The following CMSS1 variants were observed in gnomAD, a reference collection of about 807,000 sequenced individuals.
CMSS1 encodes protein CMSS1.
In CMSS1, 33 loss-of-function variants were observed where a neutral mutation model predicts 43.5. The ratio of observed to expected loss-of-function variants is 0.76; its 90% CI spans 0.57 to 1.01. The LOEUF (loss-of-function observed/expected upper bound fraction) is 1.01. CMSS1 is among the 50% of genes least tolerant of loss of function. CMSS1 has a pLI of 0.00. For missense variants in CMSS1, 313 were observed against 326.4 expected, an observed-to-expected ratio of 0.96 and a Z score of 0.32; for synonymous variants, 115 against 117.2, an observed-to-expected ratio of 0.98 and a Z score of 0.12.
chr3:99,869,882 G>A (rs1944703744), intron 1 of CMSS1, among the ~76,000 whole-genome samples: 3 of 152,184 alleles, frequency 2.0e-5, no homozygotes, highest in Admixed American at 2.0e-4. Context: ...TTCTGTCAGG[G>A]CAGCCCATCT....
chr3:100,148,523 G>A (rs192411711), intron 2 of CMSS1, among the ~76,000 whole-genome samples: 1 of 152,142 alleles, frequency 6.6e-6, no homozygotes, highest in African/African-American at 2.4e-5. Flanking sequence ...TTGTGACCCA[G>A]CTCAGGATAA....
chr3:100,071,719 A>G (rs1576019756), intron 1 of CMSS1, among the ~76,000 whole-genome samples: 2 of 152,234 alleles, frequency 1.3e-5, no homozygotes, highest in South Asian at 4.2e-4. Context: ...TTTCTTGGCC[A>G]AGACTGCTCC....
chr3:99,906,690 TC>T (rs993465323), intron 1 of CMSS1, among the ~76,000 whole-genome samples: 4 of 152,178 alleles, frequency 2.6e-5, no homozygotes, highest in African/African-American at 9.7e-5. Context: ...ACTTTAATTG[TC>T]CCCCTCTTCC....
At chr3:99,980,815 A>G (rs964842395) in intron 1 of CMSS1, among the ~76,000 whole-genome samples, 4 of 152,160 alleles carry the variant, frequency 2.6e-5, no homozygotes, top group Admixed American at 6.5e-5. Context: ...AGTGAGTGAC[A>G]TGTTCTAGCT....
intron 1 of CMSS1, among the ~76,000 whole-genome samples, chr3:100,083,039 T>C (rs2065955745): frequency 6.6e-6 from 1 of 152,240 alleles, no homozygotes; most frequent in Non-Finnish European, 1.5e-5. Context: ...TTCTACTGGC[T>C]ATATTTATGA....
At chr3:100,000,874 CT>C (rs1709821901) in intron 1 of CMSS1, among the ~76,000 whole-genome samples, 1 of 152,158 alleles carries the variant, frequency 6.6e-6, no homozygotes, top group Non-Finnish European at 1.5e-5. Context: ...TACTCAGTAA[CT>C]ATGTTGTATA....
At chr3:99,943,667 G>GCACAA (rs1395122350) in intron 1 of CMSS1, among the ~76,000 whole-genome samples, 2 of 151,976 alleles carry the variant, frequency 1.3e-5, no homozygotes, top group Non-Finnish European at 2.9e-5. Flanking sequence ...TCACGCCACT[G>GCACAA]CACTCCAGCC....
intron 1 of CMSS1, among the ~76,000 whole-genome samples, chr3:99,923,385 A>T (rs764348267): frequency 6.6e-6 from 1 of 152,164 alleles, no homozygotes; most frequent in Non-Finnish European, 1.5e-5. Flanking sequence ...CTACTCACCA[A>T]GTAGAAACCA....
intron 1 of CMSS1, among the ~76,000 whole-genome samples, chr3:100,118,224 G>A (rs2066592085): frequency 6.6e-6 from 1 of 151,598 alleles, no homozygotes; most frequent in South Asian, 2.1e-4. Flanking sequence ...CATGAAAAGG[G>A]TTAAAATGGT....
intron 1 of CMSS1, among the ~76,000 whole-genome samples, chr3:99,972,166 A>G (rs1214413757): frequency 2.6e-5 from 4 of 152,222 alleles, no homozygotes; most frequent in Non-Finnish European, 5.9e-5. Flanking sequence ...GTGGGGAAAG[A>G]TGTCATTCAA....
At chr3:100,007,153 A>G (rs527772270) in intron 1 of CMSS1, among the ~76,000 whole-genome samples, 2 of 152,354 alleles carry the variant, frequency 1.3e-5, no homozygotes, top group South Asian at 4.1e-4. Flanking sequence ...AAATGGGAAG[A>G]AAAGGAGAAA....
At chr3:100,085,794 T>A (rs1235432345) in intron 1 of CMSS1, among the ~76,000 whole-genome samples, 1 of 152,172 alleles carries the variant, frequency 6.6e-6, no homozygotes, top group Non-Finnish European at 1.5e-5. Context: ...ATAAAAGAAG[T>A]TACATATGTC....
chr3:100,007,207 A>G (rs940175729), intron 1 of CMSS1, among the ~76,000 whole-genome samples: 8 of 151,946 alleles, frequency 5.3e-5, no homozygotes, highest in Admixed American at 2.0e-4. Flanking sequence ...TGCTTTTTCT[A>G]TTTTCTCTTC....
intron 1 of CMSS1, among the ~76,000 whole-genome samples, chr3:100,123,008 A>G (rs866389591): frequency 4.6e-5 from 7 of 152,182 alleles, no homozygotes; most frequent in Admixed American, 3.3e-4. Flanking sequence ...AATACTGGGG[A>G]GATTATATTT....
At chr3:99,860,185 G>C (rs1576521803) in intron 1 of CMSS1, among the ~76,000 whole-genome samples, 1 of 152,164 alleles carries the variant, frequency 6.6e-6, no homozygotes, top group East Asian at 1.9e-4. Context: ...CCTTCATTGT[G>C]AAATAAGAAT....
At chr3:99,883,682 T>G (rs1705803444) in intron 1 of CMSS1, among the ~76,000 whole-genome samples, 3 of 152,316 alleles carry the variant, frequency 2.0e-5, no homozygotes, top group South Asian at 4.1e-4. Context: ...GGATAATCAC[T>G]TCTATACTGG....
At chr3:100,089,383 A>G (rs1300181709) in intron 1 of CMSS1, among the ~76,000 whole-genome samples, 1 of 152,196 alleles carries the variant, frequency 6.6e-6, no homozygotes, top group Non-Finnish European at 1.5e-5. Flanking sequence ...TTCCTACTCA[A>G]CAATGCTAGC....
rs574395403 is a variant in CMSS1, at chr3:99,877,866, C to G, written c.64+59823C>G. Reference sequence around the variant, plus strand: ...CTGATAGCATACTTTTACCCCAAAGCTAACAGTTTTGTAGCTTGTTTTGCA... The same window carrying G: ...CTGATAGCATACTTTTACCCCAAAGGTAACAGTTTTGTAGCTTGTTTTGCA... On this transcript the variant is annotated intron_variant, in intron 1 of 9. Coordinates refer to ENST00000421999, the MANE Select transcript of CMSS1 (RefSeq NM_032359.4). 2.6e-5 allele frequency among the ~76,000 whole-genome samples: 4 copies of G among 152,280 alleles called. No homozygotes were observed. In the South Asian group the frequency reaches 8.3e-4, roughly 32 times the overall value.
chr3:100,045,899 C>T (rs143136591), intron 1 of CMSS1, among the ~76,000 whole-genome samples: 20 of 151,898 alleles, frequency 1.3e-4, no homozygotes, highest in African/African-American at 4.8e-4. Flanking sequence ...GTCCTTTCTG[C>T]GCAGGGATGA....
Sources: gnomAD v4.1 joint callset for allele counts (sites outside exome capture counted in the v4.1 genomes callset) on GRCh38, gnomAD v4.1.1 for gene constraint, MANE v1.5 for transcripts, NCBI Gene and HGNC (gene_info 2026-07-23, HGNC 2026-07-21) for gene names.